The following KAZN variants were observed in gnomAD, a reference collection of about 807,000 sequenced individuals.
KAZN encodes kazrin.
In KAZN, 40 loss-of-function variants were observed where a neutral mutation model predicts 87.4. The ratio of observed to expected loss-of-function variants is 0.46; its 90% CI spans 0.36 to 0.60. KAZN has a LOEUF of 0.60. KAZN is among the 20% of genes least tolerant of loss of function. KAZN has a pLI of 0.00. For missense variants in KAZN, 898 were observed against 1,073.9 expected, an observed-to-expected ratio of 0.84 and a Z score of 2.29; for synonymous variants, 466 against 458.3, an observed-to-expected ratio of 1.02 and a Z score of -0.22.
intron 2 of KAZN, among the ~76,000 whole-genome samples, chr1:14,267,352 C>A (rs10928058): frequency 7.5e-6 from 1 of 133,850 alleles, no homozygotes. Context: ...TAACAATAGC[C>A]GATAAGCAAA....
chr1:14,224,315 C>T (rs1010666604), intron 2 of KAZN, among the ~76,000 whole-genome samples: 4 of 152,060 alleles, frequency 2.6e-5, no homozygotes, highest in African/African-American at 9.7e-5. Context: ...AGGAGTAGAA[C>T]ATGTCAGGAA....
intron 2 of KAZN, among the ~76,000 whole-genome samples, chr1:14,276,405 TAAC>T (rs2100698726): frequency 6.6e-6 from 1 of 152,206 alleles, no homozygotes; most frequent in South Asian, 2.1e-4. Flanking sequence ...GGGACTGCCT[TAAC>T]AAAGTACCAA....
chr1:13,991,963 A>G (rs1639303870), intron 1 of KAZN, among the ~76,000 whole-genome samples: 1 of 151,994 alleles, frequency 6.6e-6, no homozygotes, highest in South Asian at 2.1e-4. Context: ...CTTTTTCTCC[A>G]TCATAGTCCT....
intron 1 of KAZN, among the ~76,000 whole-genome samples, chr1:14,139,000 G>T (rs1490501278): frequency 6.6e-6 from 1 of 152,212 alleles, no homozygotes; most frequent in Non-Finnish European, 1.5e-5. Context: ...TAATGTCTGG[G>T]CTGGCCTTCC....
intron 2 of KAZN, among the ~76,000 whole-genome samples, chr1:14,422,146 AT>A (rs2101323562): frequency 6.6e-6 from 1 of 152,252 alleles, no homozygotes; most frequent in South Asian, 2.1e-4. Flanking sequence ...GCAAATCGCT[AT>A]TTTACCTTTG....
At chr1:14,121,819 C>T (rs1644757627) in intron 1 of KAZN, among the ~76,000 whole-genome samples, 1 of 152,180 alleles carries the variant, frequency 6.6e-6, no homozygotes, top group African/African-American at 2.4e-5. Context: ...GAATAAGCCT[C>T]TTTGAGAAGA....
intron 2 of KAZN, among the ~76,000 whole-genome samples, chr1:14,571,971 T>C (rs1674897256): frequency 2.6e-5 from 4 of 152,178 alleles, no homozygotes; most frequent in Admixed American, 1.3e-4. Context: ...GATGTGGTTC[T>C]GATCTAATGT....
chr1:15,091,340 G>GTTGATT (rs1046483985), intron 8 of KAZN, among the ~76,000 whole-genome samples: 3 of 152,062 alleles, frequency 2.0e-5, no homozygotes, highest in Non-Finnish European at 4.4e-5. Context: ...GCTGTGTTTT[G>GTTGATT]TTGTTTTTTG....
At chr1:14,706,048 G>C (rs1168089393) in intron 1 of KAZN, among the ~76,000 whole-genome samples, 7 of 152,084 alleles carry the variant, frequency 4.6e-5, no homozygotes, top group Non-Finnish European at 1.0e-4. Context: ...ATCATCAGCA[G>C]CATTCGATTT....
Position 15,114,538 on chromosome 1 carries a change from C to T in KAZN, c.2231C>T (p.Ser744Phe). The change falls in exon 15 of 15, where the codon TCT becomes TTT. Residue 744 changes from serine to phenylalanine, a missense_variant. Around this residue, in one of 3 missense-constraint regions of KAZN, gnomAD observed 127 missense variants for 121.5 expected, o/e 1.04. Transcript: ENST00000376030. The part of the protein sequence containing the change: ...KDPDFHDDYG[S>F]LQNEDCGDDD... ...CCCGATTTCCATGATGACTATGGCT[C>T]TCTTCAAAACGAAGATTGCGGAGAC... is the stretch of plus-strand genomic sequence containing the variant. The T allele has an allele frequency of 1.2e-6, 2 of 1,611,244 alleles. No homozygotes were observed. The highest frequency in any genetic ancestry group is 1.7e-5 in the Admixed American group (1 of 59,698).
chr1:14,044,718 T>A (rs1256573301), intron 1 of KAZN, among the ~76,000 whole-genome samples: 1 of 152,186 alleles, frequency 6.6e-6, no homozygotes, highest in Non-Finnish European at 1.5e-5. Flanking sequence ...ATGAATGTGC[T>A]TTCAACTTAC....
At chr1:14,916,946 C>T (rs1017198049) in intron 1 of KAZN, among the ~76,000 whole-genome samples, 5 of 151,892 alleles carry the variant, frequency 3.3e-5, no homozygotes, top group African/African-American at 1.2e-4. Context: ...GGGCTCGTGA[C>T]AGTCCAACAA....
chr1:14,147,596 A>T (rs1191661832), intron 1 of KAZN, among the ~76,000 whole-genome samples: 2 of 152,092 alleles, frequency 1.3e-5, no homozygotes, highest in Non-Finnish European at 2.9e-5. Context: ...GATCAAGACC[A>T]TCCTGGCCAA....
intron 2 of KAZN, among the ~76,000 whole-genome samples, chr1:14,445,874 T>C (rs1297504990): frequency 2.0e-5 from 3 of 152,050 alleles, no homozygotes; most frequent in African/African-American, 7.2e-5. Flanking sequence ...AGAAAACCCT[T>C]ACGCTGAGCA....
intron 2 of KAZN, among the ~76,000 whole-genome samples, chr1:14,339,609 A>G (rs1657533254): frequency 6.6e-6 from 1 of 152,154 alleles, no homozygotes; most frequent in African/African-American, 2.4e-5. Context: ...AGGCAGGAGA[A>G]ATTTCCTCTT....
chr1:14,656,438 C>T (rs1433475913), intron 1 of KAZN, among the ~76,000 whole-genome samples: 2 of 152,188 alleles, frequency 1.3e-5, no homozygotes, highest in African/African-American at 2.4e-5. Flanking sequence ...AAGATACCAA[C>T]AATTGCCACC....
rs77462994 is a variant in KAZN, at chr1:14,921,054, G to A, written c.227-39630G>A. On this transcript the variant is annotated intron_variant, in intron 1 of 14. Transcript: ENST00000376030. ...GAGTTGAGAGCAGGGAGAGTGAGGG[G>A]CTACAGCTGAGTAAGGGGGGCATGG... 5.7e-3 allele frequency among the ~76,000 whole-genome samples: 860 copies of A among 152,142 alleles called. 12 individuals carry two copies. The highest frequency in any genetic ancestry group is 0.02 in the African/African-American group (813 of 41,496).
At chr1:15,112,587 A>AAGGTCTTTTTTTTCTACTCCCAGCGGC in intron 14 of KAZN, 46 bp downstream of exon 14, 1 of 1,293,606 alleles carries the variant, frequency 7.7e-7, no homozygotes, top group Non-Finnish European at 1.1e-6. Context: ...AGACCCGGGA[A>AAGGTCTTTTTTTTCTACTCCCAGCGGC]AGGTCTTTTT....
chr1:14,668,554 G>T (rs909784424), intron 1 of KAZN, among the ~76,000 whole-genome samples: 5 of 152,080 alleles, frequency 3.3e-5, no homozygotes, highest in Admixed American at 3.3e-4. Context: ...GGAAAGGGCC[G>T]AATCCCTTCT....
Sources: allele counts gnomAD v4.1 joint callset (sites outside exome capture counted in the v4.1 genomes callset), GRCh38; gene constraint gnomAD v4.1.1; regional missense constraint gnomAD v4.1.1; transcripts MANE v1.5; gene names NCBI Gene and HGNC (gene_info 2026-07-23, HGNC 2026-07-21).